MRPL53: variants seen among roughly 807,000 people sequenced by gnomAD.
The protein encoded by MRPL53 is mitochondrial ribosomal protein L53, also known as large ribosomal subunit protein mL53.
Under a neutral mutation model 7.5 loss-of-function variants are expected in MRPL53, and 7 were observed. The ratio of observed to expected loss-of-function variants is 0.93; its 90% CI spans 0.53 to 1.75. The LOEUF (loss-of-function observed/expected upper bound fraction) is 1.75. Among genes scored for constraint, MRPL53 ranks in the 40% most tolerant of loss-of-function variants. The pLI is 0.00. For synonymous variants in MRPL53, 84 were observed against 64.4 expected (o/e 1.30, Z -1.46); for missense variants, 185 against 159.0 (o/e 1.16, Z -0.88).
At chr2:74,472,491 A>C (rs1041336535) in intron 1 of MRPL53, 21 bp from the exon 2 acceptor site, 2 of 1,613,824 alleles carry the variant, frequency 1.2e-6, no homozygotes, top group Admixed American at 1.7e-5. Flanking sequence ...AAAACAGAGG[A>C]GCGCCAAGCT....
chr2:74,472,024 C>A lies in MRPL53; in HGVS notation c.*95G>T. 1 of 1,522,878 alleles carries A rather than the reference C, an allele frequency of 6.6e-7. No individual in the cohort carries two copies. Among genetic ancestry groups the A allele is most frequent in the East Asian group, 2.3e-5 (1 of 44,086 alleles). The allele number at this position is 1,522,878 out of a possible 1,614,324, so 94.3% of individuals were successfully genotyped here. A position where few individuals can be genotyped will look rare whatever the true frequency, so the allele number is the denominator to read the frequency against. ...TAAACTTTATTTTGCGCTCCGTGAC[C>A]CTTCAGATAGTGATTTGAATGATTA... On this transcript the variant is annotated 3_prime_UTR_variant, in exon 3 of 3. Coordinates refer to ENST00000258105, the MANE Select transcript of MRPL53 (RefSeq NM_053050.5).
Position 74,472,338 on chromosome 2 carries a change from C to T in MRPL53, c.205+20G>A. Reference sequence around the variant, plus strand: ...GCGGGCTGCTCGCTGTTCCCTCCTGCCCGTCTCCACCAAGCCCACCGAACA... The same window carrying T: ...GCGGGCTGCTCGCTGTTCCCTCCTGTCCGTCTCCACCAAGCCCACCGAACA... On this transcript the variant is annotated intron_variant, in intron 2 of 2. Coordinates refer to ENST00000258105, the MANE Select transcript of MRPL53 (RefSeq NM_053050.5). The T allele has an allele frequency of 6.2e-7, 1 of 1,612,766 alleles. No individual in the cohort carries two copies. The highest frequency in any genetic ancestry group is 1.3e-5 in the African/African-American group (1 of 74,988).
chr2:74,472,616 C>T lies in MRPL53; in HGVS notation c.45G>A (p.Gln15=). Residue 15 remains glutamine, a synonymous_variant, in exon 1 of 3, where the codon CAG becomes CAA. Coordinates refer to ENST00000258105, the MANE Select transcript of MRPL53 (RefSeq NM_053050.5). ...CGAAGGGACAGAACTGAACCCGAAC[C>T]TGTTTGACAGGCCGCAGACCAAGCC... ...LARLGLRPVK[Q]VRVQFCPFEK... 1 of 1,614,240 alleles carries T rather than the reference C, an allele frequency of 6.2e-7. No homozygotes were observed. Among genetic ancestry groups the T allele is most frequent in the Non-Finnish European group, 8.5e-7 (1 of 1,180,048 alleles).
At position 74,472,667 on chromosome 2, in the gene MRPL53, C is replaced by T. The variant is rs369112361; in HGVS notation, c.-7G>A. The T allele has an allele frequency of 3.8e-4, 616 of 1,614,096 alleles. 1 individual carries two copies. The highest frequency in any genetic ancestry group is 4.7e-4 in the Non-Finnish European group (557 of 1,180,034). On this transcript the variant is annotated 5_prime_UTR_variant, in exon 1 of 3. Coordinates refer to ENST00000258105, the MANE Select transcript of MRPL53 (RefSeq NM_053050.5). ...GAGCCAAGGCAGCTGCCATGGTGAC[C>T]TCCGCCCCGGAAGAACTCGTGCAGG...
At position 74,472,130 on chromosome 2, in the gene MRPL53, T is replaced by C. The variant is rs541034466; in HGVS notation, c.328A>G (p.Thr110Ala). 1.9e-6 allele frequency: 3 copies of C among 1,614,034 alleles called. No homozygotes were observed. The highest frequency in any genetic ancestry group is 2.5e-6 in the Non-Finnish European group (3 of 1,180,004). The change falls in exon 3 of 3, where the codon ACT becomes GCT. Residue 110 changes from threonine to alanine, a missense_variant. Coordinates refer to ENST00000258105, the MANE Select transcript of MRPL53 (RefSeq NM_053050.5). ...TCTCTTTGGCGCTGTCAGCGACCAG[T>C]ATCAGCGCCCGGCTTGTCCCCGCTG... The part of the protein sequence containing the change: ...AGSGDKPGAD[T>A]GR
In MRPL53 at chr2:74,472,632, A is replaced by G. The variant is rs142063944; in HGVS notation, c.29T>C (p.Leu10Pro). 3.1e-6 allele frequency: 5 copies of G among 1,614,124 alleles called. No homozygotes were observed. In the African/African-American group the frequency reaches 6.7e-5, roughly 22 times the overall value. The change falls in exon 1 of 3, where the codon CTG becomes CCG. Residue 10 changes from leucine (L) to proline (P), a missense_variant. Transcript: ENST00000258105. MAAALARLG[L>P]RPVKQVRVQF... ...AACCCGAACCTGTTTGACAGGCCGC[A>G]GACCAAGCCGAGCCAAGGCAGCTGC...
Position 74,472,665 on chromosome 2 carries a change from A to C in MRPL53, c.-5T>G. The C allele has an allele frequency of 6.2e-7, 1 of 1,613,972 alleles. No individual in the cohort carries two copies. ...CCGAGCCAAGGCAGCTGCCATGGTG[A>C]CCTCCGCCCCGGAAGAACTCGTGCA... On this transcript the variant is annotated 5_prime_UTR_variant, in exon 1 of 3. Coordinates refer to ENST00000258105, the MANE Select transcript of MRPL53 (RefSeq NM_053050.5).
Position 74,472,552 on chromosome 2 carries a change from C to A in MRPL53, c.92+17G>T. On this transcript the variant is annotated intron_variant, in intron 1 of 2. Transcript: ENST00000258105. ...AAGGCGCACCACTTCCCGCTTCTACCCACTTCCCCTTCGTACCTCGTCGAT... is the reference window on the plus strand; with the variant it reads ...AAGGCGCACCACTTCCCGCTTCTACACACTTCCCCTTCGTACCTCGTCGAT... The A allele has an allele frequency of 3.7e-6, 6 of 1,614,184 alleles. No homozygotes were observed. Among genetic ancestry groups the A allele is most frequent in the Non-Finnish European group, 5.1e-6 (6 of 1,179,966 alleles).
chr2:74,472,407 A>C lies in MRPL53; in HGVS notation c.156T>G (p.Ile52Met), dbSNP rs148457004. Residue 52 changes from isoleucine to methionine, a missense_variant, in exon 2 of 3, where the codon ATT (isoleucine) becomes ATG (methionine). By Grantham distance (10) the Ile-to-Met change is conservative. Transcript: ENST00000258105. ...VRSTNLNCSVIADVRHDGSEP... is the reference protein window; with the variant it reads ...VRSTNLNCSVMADVRHDGSEP... ...CGGAGCCGTCATGCCTCACGTCCGC[A>C]ATCACTGAGCAGTTGAGATTAGTGG... 3.7e-6 allele frequency: 6 copies of C among 1,614,054 alleles called. No homozygotes were observed. Among genetic ancestry groups the C allele is most frequent in the Non-Finnish European group, 5.1e-6 (6 of 1,179,956 alleles).
At position 74,472,626 on chromosome 2, in the gene MRPL53, G is replaced by A. The variant is rs968380682; in HGVS notation, c.35C>T (p.Pro12Leu). ...GAACTGAACCCGAACCTGTTTGACA[G>A]GCCGCAGACCAAGCCGAGCCAAGGC... ...AAALARLGLR[P>L]VKQVRVQFCP... The change falls in exon 1 of 3, where the codon CCT becomes CTT. Residue 12 changes from proline (P) to leucine (L), a missense_variant. By Grantham distance (98) the Pro-to-Leu change is moderately conservative (BLOSUM62 -3). Coordinates refer to ENST00000258105, the MANE Select transcript of MRPL53 (RefSeq NM_053050.5). 2 of 1,614,134 alleles carry A rather than the reference G, an allele frequency of 1.2e-6. No individual in the cohort carries two copies. The highest frequency in any genetic ancestry group is 1.7e-6 in the Non-Finnish European group (2 of 1,180,060).
rs1672199522 is a variant in MRPL53, at chr2:74,472,418, A to C, written c.145T>G (p.Cys49Gly). Residue 49 changes from cysteine to glycine, a missense_variant, in exon 2 of 3, where the codon TGC becomes GGC. By Grantham distance (159) the Cys-to-Gly change is radical. Coordinates refer to ENST00000258105, the MANE Select transcript of MRPL53 (RefSeq NM_053050.5). ...TGCCTCACGTCCGCAATCACTGAGCAGTTGAGATTAGTGGAGCGGACCTTC... is the reference window on the plus strand; with the variant it reads ...TGCCTCACGTCCGCAATCACTGAGCCGTTGAGATTAGTGGAGCGGACCTTC... ...SEKVRSTNLN[C>G]SVIADVRHDG... The C allele has an allele frequency of 1.9e-6, 3 of 1,614,004 alleles. No homozygotes were observed. Among genetic ancestry groups the C allele is most frequent in the Non-Finnish European group, 2.5e-6 (3 of 1,179,916 alleles).
intron 1 of MRPL53, 47 bp from the exon 2 acceptor site, chr2:74,472,517 C>T: frequency 6.2e-7 from 1 of 1,613,546 alleles, no homozygotes; most frequent in Non-Finnish European, 8.5e-7. Flanking sequence ...CTTAAAGCCC[C>T]GGCTGAAGGA....
At chr2:74,472,513 G>T (rs1429236344) in intron 1 of MRPL53, 43 bp from the exon 2 acceptor site, 1 of 1,613,470 alleles carries the variant, frequency 6.2e-7, no homozygotes, top group Non-Finnish European at 8.5e-7. Flanking sequence ...AGGGCTTAAA[G>T]CCCCGGCTGA....
In MRPL53 at chr2:74,472,388, C is replaced by T. The variant is rs771006399; in HGVS notation, c.175G>A (p.Gly59Ser). The change falls in exon 2 of 3, where the codon GGC becomes AGC. Residue 59 changes from glycine (G) to serine (S), a missense_variant. By Grantham distance (56) the Gly-to-Ser change is moderately conservative (BLOSUM62 0). Coordinates refer to ENST00000258105, the MANE Select transcript of MRPL53 (RefSeq NM_053050.5). ...AGCACGTCCACGCAGGGCTCGGAGCCGTCATGCCTCACGTCCGCAATCACT... is the reference window on the plus strand; with the variant it reads ...AGCACGTCCACGCAGGGCTCGGAGCTGTCATGCCTCACGTCCGCAATCACT... ...CSVIADVRHDGSEPCVDVLFG... is the reference protein window; with the variant it reads ...CSVIADVRHDSSEPCVDVLFG... 1 of 1,613,890 alleles carries T rather than the reference C, an allele frequency of 6.2e-7. No homozygotes were observed. The highest frequency in any genetic ancestry group is 1.3e-5 in the African/African-American group (1 of 74,930).
Position 74,472,000 on chromosome 2 carries a change from A to G in MRPL53, c.*119T>C. ...AGAAACATTGTGGTAGCAGGGTTTT[A>G]AACTTTATTTTGCGCTCCGTGACCC... On this transcript the variant is annotated 3_prime_UTR_variant, in exon 3 of 3. Coordinates refer to ENST00000258105, the MANE Select transcript of MRPL53 (RefSeq NM_053050.5). 1 of 1,364,632 alleles carries G rather than the reference A, an allele frequency of 7.3e-7. No homozygotes were observed. Among genetic ancestry groups the G allele is most frequent in the Non-Finnish European group, 1.0e-6 (1 of 994,678 alleles). The allele number at this position is 1,364,632 out of a possible 1,614,324, so 84.5% of individuals were successfully genotyped here.
chr2:74,472,057 C>A lies in MRPL53; in HGVS notation c.*62G>T. On this transcript the variant is annotated 3_prime_UTR_variant, in exon 3 of 3. Transcript: ENST00000258105. ...TAGTGATTTGAATGATTAAGTGAAA[C>A]TCTTCTTAGGTTAAGTGTCCTAGTC... The A allele has an allele frequency of 1.3e-6, 2 of 1,590,806 alleles. No homozygotes were observed. The highest frequency in any genetic ancestry group is 1.7e-5 in the Admixed American group (1 of 57,918).
chr2:74,472,324 G>A, intron 2 of MRPL53, 34 bp downstream of exon 2: 4 of 1,611,986 alleles, frequency 2.5e-6, no homozygotes, highest in Non-Finnish European at 3.4e-6. Flanking sequence ...CGGGCTGCTC[G>A]CTGTTCCCTC....
In MRPL53 at chr2:74,472,624, C is replaced by T; in HGVS notation, c.37G>A (p.Val13Ile). ...AALARLGLRP[V>I]KQVRVQFCPF... The stretch of plus-strand genomic sequence containing the variant: ...CAGAACTGAACCCGAACCTGTTTGA[C>T]AGGCCGCAGACCAAGCCGAGCCAAG... Residue 13 changes from valine to isoleucine, a missense_variant, in exon 1 of 3, where the codon GTC (valine) becomes ATC (isoleucine). Transcript: ENST00000258105. The T allele has an allele frequency of 6.2e-7, 1 of 1,614,236 alleles. No individual in the cohort carries two copies. Among genetic ancestry groups the T allele is most frequent in the Non-Finnish European group, 8.5e-7 (1 of 1,180,046 alleles).
At position 74,472,339 on chromosome 2, in the gene MRPL53, C is replaced by A. The variant is rs1220970023; in HGVS notation, c.205+19G>T. ...CGGGCTGCTCGCTGTTCCCTCCTGC[C>A]CGTCTCCACCAAGCCCACCGAACAG... On this transcript the variant is annotated intron_variant, in intron 2 of 2. Transcript: ENST00000258105. 1.2e-6 allele frequency: 2 copies of A among 1,613,014 alleles called. No homozygotes were observed. Among genetic ancestry groups the A allele is most frequent in the Non-Finnish European group, 1.7e-6 (2 of 1,179,532 alleles).
Sources: gnomAD v4.1 joint callset for allele counts on GRCh38, gnomAD v4.1.1 for gene constraint, MANE v1.5 for transcripts, NCBI Gene and HGNC (gene_info 2026-07-23, HGNC 2026-07-21) for gene names.